The following XIRP2 variants were observed in gnomAD, a reference collection of about 807,000 sequenced individuals.
XIRP2 encodes the protein xin actin binding repeat containing 2, also known as xin actin-binding repeat-containing protein 2.
XIRP2 carries 236 observed loss-of-function variants against 277.0 expected under a neutral mutation model. The ratio of observed to expected loss-of-function variants is 0.85; its 90% CI spans 0.77 to 0.95. The LOEUF (loss-of-function observed/expected upper bound fraction) is 0.95. XIRP2 is among the 40% of genes least tolerant of loss of function. XIRP2 has a pLI of 0.00. For synonymous variants in XIRP2, 1,490 were observed against 1,416.5 expected (o/e 1.05, Z -1.17); for missense variants, 4,640 against 4,157.5 (o/e 1.12, Z -3.19).
intron 2 of XIRP2, among the ~76,000 whole-genome samples, chr2:166,922,354 A>AT (rs1320855637): frequency 6.6e-6 from 1 of 152,146 alleles, no homozygotes; most frequent in Non-Finnish European, 1.5e-5. Context: ...ATAATCAATG[A>AT]TAGCCCATTT....
chr2:166,940,726 G>A (rs867410395), intron 2 of XIRP2, among the ~76,000 whole-genome samples: 3 of 152,334 alleles, frequency 2.0e-5, no homozygotes, highest in Middle Eastern at 6.8e-3. Context: ...GACCCTGTTT[G>A]CCTGTGTATC....
intron 10 of XIRP2, among the ~76,000 whole-genome samples, chr2:167,256,963 G>A (rs75918855): frequency 0.062 from 9,395 of 151,868 alleles, 367 homozygotes; most frequent in Non-Finnish European, 0.094. Context: ...CCAGTTTTAG[G>A]AGTTCAACCT....
chr2:167,227,430 A>G (rs1005950621), intron 5 of XIRP2, among the ~76,000 whole-genome samples: 1 of 152,140 alleles, frequency 6.6e-6, no homozygotes, highest in Non-Finnish European at 1.5e-5. Context: ...AAACTAGCCT[A>G]TAATCCCAGC....
rs1690407277 is a variant in XIRP2, at chr2:167,098,918, C to A, written c.409-36991C>A. ...TGCTGCCTGTTCCTTCCTCTGGAAGCTACATCCCAGAGAGGCACCCACCAA... is the reference window on the plus strand; with the variant it reads ...TGCTGCCTGTTCCTTCCTCTGGAAGATACATCCCAGAGAGGCACCCACCAA... On this transcript the variant is annotated intron_variant, in intron 2 of 10. Transcript: ENST00000409195. Among the ~76,000 whole-genome samples the A allele has an allele frequency of 2.6e-5, 4 of 152,300 alleles. No homozygotes were observed. In the South Asian group the frequency reaches 8.3e-4, roughly 32 times the overall value.
intron 2 of XIRP2, among the ~76,000 whole-genome samples, chr2:167,113,309 G>C (rs1485678710): frequency 6.6e-6 from 1 of 152,108 alleles, no homozygotes; most frequent in Admixed American, 6.6e-5. Flanking sequence ...CTAAGGACTT[G>C]CTTTATGAAT....
intron 3 of XIRP2, among the ~76,000 whole-genome samples, chr2:167,148,093 G>A (rs1691908495): frequency 6.6e-6 from 1 of 152,060 alleles, no homozygotes; most frequent in East Asian, 1.9e-4. Flanking sequence ...AAGAAAGAAG[G>A]AAAAGAGGCT....
intron 2 of XIRP2, among the ~76,000 whole-genome samples, chr2:167,114,317 G>A (rs1690835557): frequency 6.6e-6 from 1 of 151,974 alleles, no homozygotes; most frequent in African/African-American, 2.4e-5. Flanking sequence ...CTGAGGTTTT[G>A]TTTATTCTTT....
chr2:166,974,020 A>G (rs1379287176), intron 2 of XIRP2, among the ~76,000 whole-genome samples: 1 of 152,224 alleles, frequency 6.6e-6, no homozygotes, highest in Non-Finnish European at 1.5e-5. Context: ...AAATTTATGA[A>G]CTTGGGATAA....
At chr2:167,043,472 A>G (rs1182764530) in intron 2 of XIRP2, among the ~76,000 whole-genome samples, 1 of 152,090 alleles carries the variant, frequency 6.6e-6, no homozygotes, top group Non-Finnish European at 1.5e-5. Flanking sequence ...AAAAACAGAG[A>G]AGATTCAAAT....
intron 1 of XIRP2, among the ~76,000 whole-genome samples, chr2:166,892,587 C>T (rs1684131477): frequency 6.6e-6 from 1 of 152,070 alleles, no homozygotes. Context: ...CAGAGCTTCA[C>T]CTGCCTGCAT....
At chr2:167,117,192 G>C (rs1258946015) in intron 2 of XIRP2, among the ~76,000 whole-genome samples, 1 of 152,040 alleles carries the variant, frequency 6.6e-6, no homozygotes, top group Non-Finnish European at 1.5e-5. Flanking sequence ...TAAATGCTTT[G>C]TTTTGTGGAG....
At chr2:167,087,128 A>T (rs1689975941) in intron 2 of XIRP2, among the ~76,000 whole-genome samples, 1 of 152,042 alleles carries the variant, frequency 6.6e-6, no homozygotes, top group Admixed American at 6.6e-5. Flanking sequence ...TTTGGTGTGG[A>T]TGTCCTTTCT....
At chr2:167,089,058 A>G (rs563123002) in intron 2 of XIRP2, among the ~76,000 whole-genome samples, 1 of 152,246 alleles carries the variant, frequency 6.6e-6, no homozygotes, top group African/African-American at 2.4e-5. Flanking sequence ...TGGAATAGTT[A>G]CCCTGCTACC....
At position 167,248,736 on chromosome 2, in the gene XIRP2, C is replaced by T. The variant is rs1175450842; in HGVS notation, c.7344C>T (p.Thr2448=). ...NDFSPKVELA[T]SLSDMECKIT... is the part of the protein sequence containing the mutation. ...TTTCCCCCAAAGTTGAACTGGCAAC[C>T]TCCCTGTCAGATATGGAATGTAAAA... The change falls in exon 9 of 11, where the codon ACC becomes ACT. Residue 2448 remains threonine (T), a synonymous_variant. Coordinates refer to ENST00000409195, the MANE Select transcript of XIRP2 (RefSeq NM_152381.6). The T allele has an allele frequency of 6.2e-6, 10 of 1,613,596 alleles. No individual in the cohort carries two copies. The highest frequency in any genetic ancestry group is 7.6e-6 in the Non-Finnish European group (9 of 1,179,816).
At chr2:167,085,790 G>T (rs1012044066) in intron 2 of XIRP2, among the ~76,000 whole-genome samples, 21 of 151,952 alleles carry the variant, frequency 1.4e-4, no homozygotes, top group African/African-American at 4.4e-4. Context: ...TTTTCCATTT[G>T]CTTGGTAGAT....
chr2:167,131,871 A>G (rs1176432213), intron 2 of XIRP2, among the ~76,000 whole-genome samples: 1 of 152,104 alleles, frequency 6.6e-6, no homozygotes, highest in African/African-American at 2.4e-5. Context: ...TACCCAACTC[A>G]TGATCTATCA....
intron 2 of XIRP2, among the ~76,000 whole-genome samples, chr2:167,119,621 T>C (rs1329587329): frequency 6.6e-6 from 1 of 152,188 alleles, no homozygotes; most frequent in East Asian, 1.9e-4. Flanking sequence ...GTTGACAAAG[T>C]TTCTGGCATT....
intron 2 of XIRP2, among the ~76,000 whole-genome samples, chr2:166,984,713 T>C (rs1342001818): frequency 6.6e-6 from 1 of 152,188 alleles, no homozygotes; most frequent in Non-Finnish European, 1.5e-5. Context: ...GTGGTTCTAA[T>C]GATTATGAAA....
chr2:167,110,192 T>G (rs1379621720), intron 2 of XIRP2, among the ~76,000 whole-genome samples: 1 of 152,210 alleles, frequency 6.6e-6, no homozygotes, highest in East Asian at 1.9e-4. Flanking sequence ...ATCCTATTTG[T>G]TAATTTTTTT....
Sources: allele counts gnomAD v4.1 joint callset (sites outside exome capture counted in the v4.1 genomes callset), GRCh38; gene constraint gnomAD v4.1.1; transcripts MANE v1.5; gene names NCBI Gene and HGNC (gene_info 2026-07-23, HGNC 2026-07-21).